PCDHGA5: variants seen among roughly 807,000 people sequenced by gnomAD.
The protein encoded by PCDHGA5 is protocadherin gamma subfamily A, 5.
PCDHGA5 carries 36 observed loss-of-function variants against 56.7 expected under a neutral mutation model. The observed-to-expected ratio is 0.64, with a 90% confidence interval of 0.49 to 0.84. The LOEUF is 0.84. PCDHGA5 is among the 40% of genes least tolerant of loss of function. The pLI is 0.00. For synonymous variants in PCDHGA5, 563 were observed against 520.2 expected (o/e 1.08, Z -1.12); for missense variants, 1,305 against 1,201.5 (o/e 1.09, Z -1.27).
intron 1 of PCDHGA5, chr5:141,420,076 T>C (rs764381539): frequency 3.3e-5 from 53 of 1,613,956 alleles, no homozygotes; most frequent in Non-Finnish European, 4.5e-5. Context: ...GACCTGTGGG[T>C]CCCCCCAACT....
intron 1 of PCDHGA5, chr5:141,388,917 G>C: frequency 6.2e-7 from 1 of 1,614,026 alleles, no homozygotes. Flanking sequence ...CGCCCCAGAA[G>C]TGATATTCCA....
intron 1 of PCDHGA5, among the ~76,000 whole-genome samples, chr5:141,438,629 TATATATACACACAC>T (rs1468553117): frequency 3.8e-3 from 181 of 48,054 alleles, no homozygotes; most frequent in Non-Finnish European, 5.4e-3. Flanking sequence ...TATATATATA[TATATATACACACAC>T]ACACACACAT....
chr5:141,423,875 A>G (rs1354115544), intron 1 of PCDHGA5: 8 of 1,282,448 alleles, frequency 6.2e-6, no homozygotes, highest in African/African-American at 3.1e-5. Context: ...TCATTTTTCA[A>G]TCTTGGCATA....
chr5:141,383,681 T>G (rs1299329378), intron 1 of PCDHGA5: 2 of 1,613,902 alleles, frequency 1.2e-6, no homozygotes, highest in Non-Finnish European at 1.7e-6. Flanking sequence ...GGTACAAGAC[T>G]GCTCACGGTA....
chr5:141,492,458 G>A (rs1333043781), intron 1 of PCDHGA5, among the ~76,000 whole-genome samples: 1 of 152,230 alleles, frequency 6.6e-6, no homozygotes, highest in Non-Finnish European at 1.5e-5. Flanking sequence ...GTGCGCGCCT[G>A]AGGGTCCCAG....
chr5:141,468,528 G>A (rs2154569956), intron 1 of PCDHGA5: 1 of 152,056 alleles, frequency 6.6e-6, no homozygotes, highest in South Asian at 2.1e-4. Context: ...TTTTTTGCAG[G>A]TAGTTTCCTG....
chr5:141,458,556 T>C (rs1424881453), intron 1 of PCDHGA5, among the ~76,000 whole-genome samples: 1 of 145,670 alleles, frequency 6.9e-6, no homozygotes, highest in Non-Finnish European at 1.5e-5. Flanking sequence ...TTGTTTGTTT[T>C]GGTTTTGGGT....
In PCDHGA5 at chr5:141,490,363, C is replaced by G; in HGVS notation, c.2422-4444C>G. 3 of 1,614,154 alleles carry G rather than the reference C, an allele frequency of 1.9e-6. No homozygotes were observed. Among genetic ancestry groups the G allele is most frequent in the Non-Finnish European group, 2.5e-6 (3 of 1,180,032 alleles). On this transcript the variant is annotated intron_variant, in intron 1 of 3. Transcript: ENST00000518069. This position sits in a 1 kb window ranked among gnomAD's most constrained non-coding sequence, Gnocchi z 5.4. ...CACAGTAGTGGGGTTGTTTAATGTGCGAGACCGGGACTCAGGTAGAAATGG... is the reference window on the plus strand; with the variant it reads ...CACAGTAGTGGGGTTGTTTAATGTGGGAGACCGGGACTCAGGTAGAAATGG...
rs764056952 is a variant in PCDHGA5 at position 141,405,326 on chromosome 5, T to G, written c.2421+38575T>G. On this transcript the variant is annotated intron_variant, in intron 1 of 3. Transcript: ENST00000518069. ...GAGCTGTGAGAAAAATGAGCCTTTG[T>G]GCGTCTCTGTTGATTCCAAGTTTCC... The G allele has an allele frequency of 2.5e-6, 4 of 1,614,220 alleles. No individual in the cohort carries two copies. Among genetic ancestry groups the G allele is most frequent in the Admixed American group, 3.3e-5 (2 of 60,026 alleles).
intron 1 of PCDHGA5, chr5:141,403,720 C>G (rs1266419119): frequency 1.2e-6 from 2 of 1,613,874 alleles, no homozygotes; most frequent in Middle Eastern, 1.6e-4. Context: ...AGAACGTGCC[C>G]CCAGGCACCT....
chr5:141,506,544 G>GT (rs2099854759), intron 3 of PCDHGA5, among the ~76,000 whole-genome samples: 1 of 151,880 alleles, frequency 6.6e-6, no homozygotes, highest in Non-Finnish European at 1.5e-5. Flanking sequence ...GAGTCCTTAG[G>GT]TAAGTTATTA....
rs558873325 is a variant in PCDHGA5 at position 141,370,852 on chromosome 5, C to G, written c.2421+4101C>G. On this transcript the variant is annotated intron_variant, in intron 1 of 3. Coordinates refer to ENST00000518069, the MANE Select transcript of PCDHGA5 (RefSeq NM_018918.3). ...CTGGCTCTCACTGGAGCCACATTTG[C>G]CCTGGAATCTGCGCAAGATCCTGAT... The G allele has an allele frequency of 2.0e-5, 33 of 1,614,018 alleles. No individual in the cohort carries two copies. In the South Asian group the frequency reaches 3.4e-4, roughly 17 times the overall value.
At chr5:141,460,780 A>G (rs1387522399) in intron 1 of PCDHGA5, among the ~76,000 whole-genome samples, 3 of 152,042 alleles carry the variant, frequency 2.0e-5, no homozygotes, top group Non-Finnish European at 4.4e-5. Context: ...GTATGTATAC[A>G]TATATACACA....
At position 141,476,097 on chromosome 5, in the gene PCDHGA5, A is replaced by G. The variant is rs1366023758; in HGVS notation, c.2422-18710A>G. 1 of 1,571,812 alleles carries G rather than the reference A, an allele frequency of 6.4e-7. No individual in the cohort carries two copies. Among genetic ancestry groups the G allele is most frequent in the African/African-American group, 1.4e-5 (1 of 73,826 alleles). ...CAGGGACGATCTGGACCCCGCTGAG[A>G]GGAACTGCTTTTGAGTGAGATGGTC... On this transcript the variant is annotated intron_variant, in intron 1 of 3. Coordinates refer to ENST00000518069, the MANE Select transcript of PCDHGA5 (RefSeq NM_018918.3). The surrounding 1 kb of genome is among the most constrained non-coding windows in gnomAD (Gnocchi z 7.6).
Position 141,476,901 on chromosome 5 carries a change from G to A in PCDHGA5, c.2422-17906G>A, listed in dbSNP as rs1466086788. The A allele has an allele frequency of 1.9e-6, 3 of 1,613,782 alleles. No individual in the cohort carries two copies. The African/African-American group carries it at 4.0e-5, about 22-fold the overall frequency. On this transcript the variant is annotated intron_variant, in intron 1 of 3. Coordinates refer to ENST00000518069, the MANE Select transcript of PCDHGA5 (RefSeq NM_018918.3). The surrounding 1 kb of genome is among the most constrained non-coding windows in gnomAD (Gnocchi z 7.6). ...CTGGAGGATGCACCCTCCGGCACGC[G>A]CGTGGTACAAGTCCTTGCAACGGAT...
rs751905674 is a variant in PCDHGA5, at chr5:141,408,643, C to A, written c.2421+41892C>A. On this transcript the variant is annotated intron_variant, in intron 1 of 3. Coordinates refer to ENST00000518069, the MANE Select transcript of PCDHGA5 (RefSeq NM_018918.3). ...ATTTAGAAATTTTCGAATCTGCATCCGCTGGTACACGACTATCGCTTGACC... is the reference window on the plus strand; with the variant it reads ...ATTTAGAAATTTTCGAATCTGCATCAGCTGGTACACGACTATCGCTTGACC... 13 of 1,613,792 alleles carry A rather than the reference C, an allele frequency of 8.1e-6. No homozygotes were observed. The African/African-American group carries it at 1.6e-4, about 20-fold the overall frequency.
chr5:141,394,100 A>G (rs370480326), intron 1 of PCDHGA5: 2 of 1,613,942 alleles, frequency 1.2e-6, no homozygotes, highest in Non-Finnish European at 1.7e-6. Context: ...ATCTAGGAAC[A>G]CCACCTCTGT....
At position 141,433,188 on chromosome 5, in the gene PCDHGA5, G is replaced by A. The variant is rs2097573612; in HGVS notation, c.2422-61619G>A. The A allele has an allele frequency of 2.5e-6, 4 of 1,583,816 alleles. No homozygotes were observed. The South Asian group carries it at 3.5e-5, about 14-fold the overall frequency. On this transcript the variant is annotated intron_variant, in intron 1 of 3. Coordinates refer to ENST00000518069, the MANE Select transcript of PCDHGA5 (RefSeq NM_018918.3). ...GACAGTCATGGGTTAATTGAGGTGA[G>A]TTTATATCAAATCTTCTTTCTTTTT...
At chr5:141,403,050 A>G in intron 1 of PCDHGA5, 2 of 1,614,060 alleles carry the variant, frequency 1.2e-6, no homozygotes, top group Non-Finnish European at 1.7e-6. Flanking sequence ...CAGATTCGCT[A>G]CTCAGTGCCT....
Sources: gnomAD v4.1 joint callset for allele counts (sites outside exome capture counted in the v4.1 genomes callset) on GRCh38, gnomAD v4.1.1 for gene constraint, Gnocchi (gnomAD v3.1) non-coding constraint, MANE v1.5 for transcripts, NCBI Gene and HGNC (gene_info 2026-07-23, HGNC 2026-07-21) for gene names.